The following GABRQ variants were observed in gnomAD, a reference collection of about 807,000 sequenced individuals.
GABRQ encodes gamma-aminobutyric acid type A receptor subunit theta.
Under a neutral mutation model 30.5 loss-of-function variants are expected in GABRQ, and 19 were observed. The observed-to-expected ratio is 0.62, with a 90% CI of 0.43 to 0.91. GABRQ has a LOEUF of 0.91. GABRQ is among the 40% of genes least tolerant of loss of function. GABRQ has a pLI of 0.00. For missense variants in GABRQ, 520 were observed against 521.4 expected (o/e 1.00, Z 0.03); for synonymous variants, 187 against 210.2 (o/e 0.89, Z 0.95).
rs1376756936 is a variant in GABRQ at position 152,654,022 on chromosome X, G to GT, written c.*742dup. Reference sequence around the variant, plus strand: ...TTGTGGGGTTGGCAGAGGGTGGGGGGTGATGTCAGGTTGGAAATTACACAG... The same window carrying GT: ...TTGTGGGGTTGGCAGAGGGTGGGGGGTTGATGTCAGGTTGGAAATTACACAG... On this transcript the variant is annotated 3_prime_UTR_variant, in exon 9 of 9. Transcript: ENST00000598523. The GT allele has an allele frequency of 2.7e-5, 3 of 111,807 alleles. No individual in the cohort carries two copies. The highest frequency in any genetic ancestry group is 9.8e-5 in the African/African-American group (3 of 30,629). The allele number at this position is 111,807 out of a possible 1,213,427, so 9.2% of individuals were successfully genotyped here.
chrX:152,651,416 G>C, intron 7 of GABRQ, 110 bp from the exon 8 acceptor site: 1 of 569,992 alleles, frequency 1.8e-6, no homozygotes, highest in African/African-American at 2.3e-5. Context: ...AGAGCCGAAG[G>C]CCTTTGCTGT....
In GABRQ at chrX:152,653,503, A is replaced by G; in HGVS notation, c.*222A>G. The G allele has an allele frequency of 2.7e-6, 1 of 364,395 alleles. No homozygotes were observed. The highest frequency in any genetic ancestry group is 4.7e-6 in the Non-Finnish European group (1 of 212,685). 30.0% of individuals were successfully genotyped at this position (364,395 alleles called of 1,213,427 possible). ...AGGAGGAGTTGGAGGTATACAGCAC[A>G]TGGATTTCCTTTCCTGCTAGAAGAC... On this transcript the variant is annotated 3_prime_UTR_variant, in exon 9 of 9. Transcript: ENST00000598523.
intron 1 of GABRQ, among the ~76,000 whole-genome samples, 199 bp from the exon 2 acceptor site, chrX:152,640,179 G>A (rs965858392): frequency 9.1e-6 from 1 of 110,474 alleles, no homozygotes; most frequent in East Asian, 2.9e-4. Context: ...GTGGGGGGGG[G>A]AGGAAAGAGG....
chrX:152,648,292 TC>T (rs1364942845), intron 4 of GABRQ, among the ~76,000 whole-genome samples: 2 of 110,780 alleles, frequency 1.8e-5, no homozygotes, highest in African/African-American at 6.6e-5. Context: ...TTATCTTCTC[TC>T]CCACTGGACA....
At chrX:152,640,176 G>T (rs1396413842) in intron 1 of GABRQ, among the ~76,000 whole-genome samples, 1 of 110,546 alleles carries the variant, frequency 9.0e-6, no homozygotes, top group Non-Finnish European at 1.9e-5. Flanking sequence ...AAGGTGGGGG[G>T]GGGAGGAAAG....
chrX:152,643,906 TTCAC>T (rs72436528), intron 2 of GABRQ, among the ~76,000 whole-genome samples: 14,340 of 111,003 alleles, frequency 0.13, 2,222 homozygotes, highest in African/African-American at 0.44. Context: ...TATGCACGCG[TTCAC>T]TCAAACTCAA....
chrX:152,639,376 G>GCGCACACA (rs1491277545), intron 1 of GABRQ, among the ~76,000 whole-genome samples: 3,138 of 85,176 alleles, frequency 0.037, 120 homozygotes, highest in African/African-American at 0.16. Context: ...ACATGCGCGT[G>GCGCACACA]CGCACACACA....
At chrX:152,639,776 C>T in intron 1 of GABRQ, among the ~76,000 whole-genome samples, 1 of 112,047 alleles carries the variant, frequency 8.9e-6, no homozygotes, top group South Asian at 3.8e-4. Context: ...CTCTGTGTGT[C>T]TTATGCCATA....
chrX:152,651,289 G>A (rs782435571), intron 7 of GABRQ, among the ~76,000 whole-genome samples: 8 of 112,597 alleles, frequency 7.1e-5, no homozygotes, highest in Admixed American at 5.6e-4. Flanking sequence ...GGCTGAAGAT[G>A]TCAATTGCCA....
chrX:152,655,091 G>A lies in GABRQ; in HGVS notation c.*1810G>A, dbSNP rs1230067212. On this transcript the variant is annotated 3_prime_UTR_variant, in exon 9 of 9. Coordinates refer to ENST00000598523, the MANE Select transcript of GABRQ (RefSeq NM_018558.4). ...GTCTATGCTGAGTGCATGTATATAA[G>A]GGCATGTCTGCATATCTATGTTTAT... 1 of 112,433 alleles carries A rather than the reference G, an allele frequency of 8.9e-6. No individual in the cohort carries two copies. Among genetic ancestry groups the A allele is most frequent in the East Asian group, 2.8e-4 (1 of 3,575 alleles). The allele number at this position is 112,433 out of a possible 1,213,427, so 9.3% of individuals were successfully genotyped here. A position where few individuals can be genotyped will look rare whatever the true frequency, so the allele number is the denominator to read the frequency against.
intron 3 of GABRQ, 35 bp from the exon 4 acceptor site, chrX:152,646,913 A>C: frequency 9.4e-7 from 1 of 1,063,860 alleles, no homozygotes. Context: ...CTGGACAACC[A>C]AACTTACAAC....
At chrX:152,647,994 C>T (rs1461340159) in intron 4 of GABRQ, among the ~76,000 whole-genome samples, 1 of 111,964 alleles carries the variant, frequency 8.9e-6, no homozygotes, top group Non-Finnish European at 1.9e-5. Context: ...TTCCCACAGA[C>T]CCAGGCTCTG....
chrX:152,652,502 G>T, intron 8 of GABRQ, 39 bp from the exon 9 acceptor site: 1 of 1,143,524 alleles, frequency 8.7e-7, no homozygotes, highest in Non-Finnish European at 1.2e-6. Flanking sequence ...CCATCTAGGC[G>T]ATATGAAACT....
rs1556820681 is a variant in GABRQ, at chrX:152,653,241, G to A, written c.1859G>A (p.Gly620Glu). 2 of 1,207,125 alleles carry A rather than the reference G, an allele frequency of 1.7e-6. No individual in the cohort carries two copies. The highest frequency in any genetic ancestry group is 3.5e-5 in the South Asian group (2 of 56,824). Residue 620 changes from glycine (G) to glutamate (E), a missense_variant, in exon 9 of 9, where the codon GGG (glycine) becomes GAG (glutamate). Gly to Glu is a moderately conservative substitution (Grantham distance 98). Coordinates refer to ENST00000598523, the MANE Select transcript of GABRQ (RefSeq NM_018558.4). ...CGGTTCCTCTTCCCTCTGGCCTTTG[G>A]GTTGTTCAACATTGTTTACTGGGTA... ...WSRFLFPLAF[G>E]LFNIVYWVYH...
chrX:152,653,171 G>C lies in GABRQ; in HGVS notation c.1789G>C (p.Asp597His), dbSNP rs782775984. ...GCSFTEGFSF[D>H]LFNPDYVPKV... Reference sequence around the variant, plus strand: ...CTCCTTCACTGAAGGGTTCTCCTTCGATCTCTTTAATCCTGACTACGTCCC... The same window carrying C: ...CTCCTTCACTGAAGGGTTCTCCTTCCATCTCTTTAATCCTGACTACGTCCC... The change falls in exon 9 of 9, where the codon GAT becomes CAT. Residue 597 changes from aspartate to histidine, a missense_variant. Transcript: ENST00000598523. 1.7e-5 allele frequency: 21 copies of C among 1,208,456 alleles called. No homozygotes were observed. The South Asian group carries it at 2.8e-4, about 16-fold the overall frequency.
chrX:152,640,810 C>T (rs1556818308), intron 2 of GABRQ, among the ~76,000 whole-genome samples: 1 of 111,561 alleles, frequency 9.0e-6, no homozygotes, highest in African/African-American at 3.3e-5. Flanking sequence ...TGCTCCAGCT[C>T]CTGGGAGGAC....
At chrX:152,641,792 G>A (rs1354283106) in intron 2 of GABRQ, among the ~76,000 whole-genome samples, 1 of 112,701 alleles carries the variant, frequency 8.9e-6, no homozygotes, top group Non-Finnish European at 1.9e-5. Flanking sequence ...GCACGTCCTT[G>A]TATGGCAGCG....
Position 152,652,680 on chromosome X carries a change from G to C in GABRQ, c.1298G>C (p.Ser433Thr). 1 of 1,211,812 alleles carries C rather than the reference G, an allele frequency of 8.3e-7. No individual in the cohort carries two copies. Among genetic ancestry groups the C allele is most frequent in the East Asian group, 3.0e-5 (1 of 33,823 alleles). Residue 433 changes from serine to threonine, a missense_variant, in exon 9 of 9, where the codon AGC becomes ACC. Physicochemically the swap from Ser to Thr is moderately conservative, Grantham distance 58. Transcript: ENST00000598523. The stretch of plus-strand genomic sequence containing the variant: ...CAGCTGGCCACCTCGGAAAGCCTCA[G>C]CCCACTCACTTCTCTCTCAGGCCAG... Reference protein sequence around the residue: ...QAQLATSESLSPLTSLSGQAP... With the variant: ...QAQLATSESLTPLTSLSGQAP...
chrX:152,650,653 A>G (rs1602824887), intron 7 of GABRQ, 73 bp downstream of exon 7: 1 of 787,853 alleles, frequency 1.3e-6, no homozygotes, highest in East Asian at 3.1e-5. Flanking sequence ...GTAAGGAAAA[A>G]GTACCCAGAA....
Sources: gnomAD v4.1 joint callset for allele counts (sites outside exome capture counted in the v4.1 genomes callset) on GRCh38, gnomAD v4.1.1 for gene constraint, MANE v1.5 for transcripts, NCBI Gene and HGNC (gene_info 2026-07-23, HGNC 2026-07-21) for gene names.